CFAP206: variants seen among roughly 807,000 people sequenced by gnomAD.
CFAP206 encodes the protein cilia and flagella associated protein 206, also known as cilia- and flagella-associated protein 206.
Under a neutral mutation model 65.4 loss-of-function variants are expected in CFAP206, and 53 were observed. The observed-to-expected ratio is 0.81, with a 90% CI of 0.65 to 1.02. The LOEUF (loss-of-function observed/expected upper bound fraction) is 1.02, where lower values mean the gene tolerates loss of function less well. Among genes scored for constraint, CFAP206 ranks in the 50% least tolerant of loss-of-function variants. CFAP206 has a pLI of 0.00. For synonymous variants in CFAP206, 250 were observed against 254.4 expected (o/e 0.98, Z 0.17); for missense variants, 663 against 753.2 (o/e 0.88, Z 1.40).
Position 87,461,114 on chromosome 6 carries a change from G to T in CFAP206, c.1587G>T (p.Val529=). The change falls in exon 12 of 13, where the codon GTG becomes GTT. Residue 529 remains valine (V), a synonymous_variant. Coordinates refer to ENST00000369562, the MANE Select transcript of CFAP206 (RefSeq NM_001031743.3). The part of the protein sequence containing the change: ...TNTHILPPTI[V]RSYEWNEWEL... ...CACACATACTGCCACCAACGATTGT[G>T]AGATCATATGAGTGGAATGAATGGG... 1 of 1,587,518 alleles carries T rather than the reference G, an allele frequency of 6.3e-7. No homozygotes were observed. Among genetic ancestry groups the T allele is most frequent in the Non-Finnish European group, 8.5e-7 (1 of 1,171,096 alleles).
chr6:87,458,169 TA>T (rs1768681397), intron 11 of CFAP206, among the ~76,000 whole-genome samples: 1 of 152,042 alleles, frequency 6.6e-6, no homozygotes, highest in Admixed American at 6.5e-5. Flanking sequence ...AGGCAGGCAA[TA>T]ACGAATGCCG....
intron 3 of CFAP206, among the ~76,000 whole-genome samples, chr6:87,412,707 G>A (rs911697746): frequency 4.6e-5 from 7 of 152,064 alleles, no homozygotes; most frequent in Middle Eastern, 3.4e-3. Context: ...CCCCCAAGCT[G>A]GGGTGCGGTG....
At chr6:87,418,498 C>A in intron 7 of CFAP206, 82 bp downstream of exon 7, 1 of 1,200,546 alleles carries the variant, frequency 8.3e-7, no homozygotes, top group South Asian at 1.3e-5. Flanking sequence ...AACCAGGTCA[C>A]TAATTAAGGA....
chr6:87,460,871 G>T, intron 11 of CFAP206, 151 bp from the exon 12 acceptor site: 1 of 592,572 alleles, frequency 1.7e-6, no homozygotes, highest in Non-Finnish European at 2.8e-6. Context: ...TTAATTATGT[G>T]TTTATTTTCT....
chr6:87,418,528 C>T (rs956201534), intron 7 of CFAP206, 112 bp downstream of exon 7: 23 of 822,622 alleles, frequency 2.8e-5, no homozygotes, highest in Middle Eastern at 7.4e-4. Flanking sequence ...AGTAACTGCT[C>T]GGTTTATATT....
chr6:87,424,108 T>C (rs1311550062), intron 7 of CFAP206, among the ~76,000 whole-genome samples: 1 of 152,172 alleles, frequency 6.6e-6, no homozygotes, highest in Non-Finnish European at 1.5e-5. Context: ...AGAGCTGGGC[T>C]GTGGGCTCAG....
At chr6:87,416,910 A>G in intron 6 of CFAP206, 83 bp downstream of exon 6, 3 of 1,135,904 alleles carry the variant, frequency 2.6e-6, no homozygotes, top group Non-Finnish European at 3.7e-6. Context: ...TAAACAACAC[A>G]CCACTGGCAT....
intron 11 of CFAP206, 45 bp downstream of exon 11, chr6:87,435,098 TA>T (rs1768234428): frequency 1.4e-6 from 2 of 1,383,184 alleles, no homozygotes; most frequent in African/African-American, 2.9e-5. Context: ...TTTAAAAATA[TA>T]GTTAATTTAA....
chr6:87,443,079 T>C (rs569946191), intron 11 of CFAP206, among the ~76,000 whole-genome samples: 136 of 152,296 alleles, frequency 8.9e-4, no homozygotes, highest in African/African-American at 3.1e-3. Context: ...TAAAGCTCTC[T>C]GGGTTTCTTT....
intron 10 of CFAP206, among the ~76,000 whole-genome samples, chr6:87,431,424 C>G (rs1045756803): frequency 6.6e-6 from 1 of 152,098 alleles, no homozygotes; most frequent in African/African-American, 2.4e-5. Context: ...TGCTGCAGTA[C>G]CATTGAAAGG....
intron 2 of CFAP206, among the ~76,000 whole-genome samples, chr6:87,410,280 A>G (rs751206608): frequency 3.9e-5 from 6 of 152,252 alleles, no homozygotes; most frequent in Admixed American, 1.3e-4. Context: ...TTAACAATAC[A>G]CAATAAAAAT....
intron 11 of CFAP206, among the ~76,000 whole-genome samples, chr6:87,449,175 G>A (rs1231248559): frequency 6.6e-6 from 1 of 151,962 alleles, no homozygotes; most frequent in Non-Finnish European, 1.5e-5. Flanking sequence ...GGTGGCTCAC[G>A]CCTGTAATCC....
chr6:87,447,514 TG>T (rs1206950887), intron 11 of CFAP206, among the ~76,000 whole-genome samples: 2 of 152,186 alleles, frequency 1.3e-5, no homozygotes, highest in Non-Finnish European at 2.9e-5. Flanking sequence ...CCTTGAATCC[TG>T]GGGATGAAGC....
chr6:87,442,064 C>T, intron 11 of CFAP206: 1 of 204,214 alleles, frequency 4.9e-6, no homozygotes, highest in Non-Finnish European at 1.1e-5. Flanking sequence ...AAAAGACTTC[C>T]AGATTTTTGG....
At chr6:87,457,229 A>T (rs1768662108) in intron 11 of CFAP206, among the ~76,000 whole-genome samples, 2 of 152,118 alleles carry the variant, frequency 1.3e-5, no homozygotes, top group African/African-American at 4.8e-5. Flanking sequence ...AATATTGTTA[A>T]AATGTTCATA....
rs1211746467 is a variant in CFAP206, at chr6:87,414,060, G to GA, written c.283+168dup. 4.6e-5 allele frequency among the ~76,000 whole-genome samples: 7 copies of GA among 151,816 alleles called. No individual in the cohort carries two copies. The East Asian group carries it at 5.8e-4, about 13-fold the overall frequency. On this transcript the variant is annotated intron_variant, in intron 4 of 12. Transcript: ENST00000369562. ...GAATACAACGTTAGAAATGCTAAAT[G>GA]AAAAAAAACCATTGGCCTTTGTGAG... is the stretch of plus-strand genomic sequence containing the variant.
chr6:87,463,999 C>G lies in CFAP206; in HGVS notation c.1639-21C>G, dbSNP rs778907043. ...TTGTTCTTTAGAGAAATGTTAATTC[C>G]TGTATTCTCTTTCTCTTTAGGCTAA... On this transcript the variant is annotated intron_variant, in intron 12 of 12. Coordinates refer to ENST00000369562, the MANE Select transcript of CFAP206 (RefSeq NM_001031743.3). The G allele has an allele frequency of 5.1e-6, 8 of 1,563,450 alleles. No individual in the cohort carries two copies. The East Asian group carries it at 1.4e-4, about 26-fold the overall frequency.
chr6:87,430,666 G>A lies in CFAP206; in HGVS notation c.1160-367G>A, dbSNP rs533030188. 2.6e-5 allele frequency among the ~76,000 whole-genome samples: 4 copies of A among 152,212 alleles called. No homozygotes were observed. The South Asian group carries it at 8.3e-4, about 32-fold the overall frequency. On this transcript the variant is annotated intron_variant, in intron 9 of 12. Transcript: ENST00000369562. ...CAGTCTATTCTGCTCAACTCCTTGG[G>A]TTATTTACTCTGCAGCAGCAGGAAG... is the stretch of plus-strand genomic sequence containing the variant.
rs761787943 is a variant in CFAP206, at chr6:87,434,885, A to G, written c.1326A>G (p.Lys442=). Reference sequence around the variant, plus strand: ...GAAATCCAGCAATTGGAATTTTAAAATATAAAGAAAAATATTACACATTCA... The same window carrying G: ...GAAATCCAGCAATTGGAATTTTAAAGTATAAAGAAAAATATTACACATTCA... ...LPGNPAIGIL[K]YKEKYYTFNS... Residue 442 remains lysine (K), a synonymous_variant, in exon 11 of 13, where the codon AAA becomes AAG. Transcript: ENST00000369562. 2.3e-5 allele frequency: 33 copies of G among 1,427,278 alleles called. No homozygotes were observed. The highest frequency in any genetic ancestry group is 2.6e-5 in the Non-Finnish European group (27 of 1,041,318). 88.4% of individuals were successfully genotyped at this position (1,427,278 alleles called of 1,614,324 possible).
Sources: allele counts gnomAD v4.1 joint callset (sites outside exome capture counted in the v4.1 genomes callset), GRCh38; gene constraint gnomAD v4.1.1; transcripts MANE v1.5; gene names NCBI Gene and HGNC (gene_info 2026-07-23, HGNC 2026-07-21).